Variants in MAF observed in about 807,000 individuals in gnomAD.
MAF encodes the protein MAF bZIP transcription factor.
A neutral mutation model predicts 22.0 loss-of-function variants in MAF; 10 were observed. That is an observed-to-expected ratio of 0.45 (90% CI 0.28 to 0.77). The LOEUF (loss-of-function observed/expected upper bound fraction) is 0.77. Among genes scored for constraint, MAF ranks in the 30% least tolerant of loss-of-function variants. The probability of loss-of-function intolerance (pLI) is 0.12; values close to 1 mark genes in which losing one functional copy is unlikely to be tolerated. For missense variants in MAF, 544 were observed against 548.4 expected, an observed-to-expected ratio of 0.99 and a Z score of 0.08; for synonymous variants, 337 against 255.8, an observed-to-expected ratio of 1.32 and a Z score of -3.03.
chr16:79,543,252 A>G, the MAF span, among the ~76,000 whole-genome samples: 1 of 152,230 alleles, frequency 6.6e-6, no homozygotes, highest in Non-Finnish European at 1.5e-5. Flanking sequence ...ATGATTCCCC[A>G]GTATCTTGGA....
At chr16:79,585,113 T>C (rs1399642670), downstream of MAF, among the ~76,000 whole-genome samples, 1 of 152,200 alleles carries the variant, frequency 6.6e-6, no homozygotes, top group Non-Finnish European at 1.5e-5. Context: ...TAAGAATACA[T>C]AAAACTATCA....
At chr16:79,303,250 T>C in the MAF span, among the ~76,000 whole-genome samples, 2 of 152,190 alleles carry the variant, frequency 1.3e-5, no homozygotes, top group African/African-American at 4.8e-5. Context: ...CATTGTACTG[T>C]ATTAAAGGGA....
the MAF span, among the ~76,000 whole-genome samples, chr16:79,308,546 G>T: frequency 1.5e-3 from 221 of 152,256 alleles, no homozygotes; most frequent in African/African-American, 5.1e-3. Flanking sequence ...GCTAGCAAAA[G>T]CCTGGGATCA....
chr16:79,211,524 GC>G, the MAF span: 7 of 1,581,588 alleles, frequency 4.4e-6, no homozygotes, highest in East Asian at 9.1e-5. Context: ...GGGGAGGCCT[GC>G]TAATGCCCAG....
chr16:79,357,294 CAACAAT>C, the MAF span, among the ~76,000 whole-genome samples: 1 of 138,370 alleles, frequency 7.2e-6, no homozygotes, highest in Admixed American at 7.1e-5. Context: ...ACAACAACAA[CAACAAT>C]TAGCTGGCCT....
At chr16:79,320,586 G>A in the MAF span, among the ~76,000 whole-genome samples, 1 of 152,198 alleles carries the variant, frequency 6.6e-6, no homozygotes, top group Non-Finnish European at 1.5e-5. Context: ...TCGAGAAGGA[G>A]CCAGTCACCC....
At chr16:79,571,519 A>G in the MAF span, among the ~76,000 whole-genome samples, 4 of 140,922 alleles carry the variant, frequency 2.8e-5, no homozygotes, top group Non-Finnish European at 6.0e-5. Context: ...AGAAAAAAAC[A>G]TCTCAGCGGA....
chr16:79,473,277 T>G, the MAF span, among the ~76,000 whole-genome samples: 2 of 152,132 alleles, frequency 1.3e-5, no homozygotes, highest in Non-Finnish European at 1.5e-5. Context: ...AAGGAATGAA[T>G]GGAGGAACTC....
the MAF span, among the ~76,000 whole-genome samples, chr16:79,208,556 T>C: frequency 2.0e-5 from 3 of 152,228 alleles, no homozygotes; most frequent in South Asian, 2.1e-4. Flanking sequence ...CTTTCATCTT[T>C]TCTGCATTAT....
chr16:79,428,583 T>A, the MAF span, among the ~76,000 whole-genome samples: 2 of 152,234 alleles, frequency 1.3e-5, no homozygotes, highest in South Asian at 4.2e-4. Context: ...CTCACACCTG[T>A]AATCCCAGCA....
the MAF span, among the ~76,000 whole-genome samples, chr16:79,512,390 C>G: frequency 6.6e-6 from 1 of 152,302 alleles, no homozygotes; most frequent in East Asian, 1.9e-4. Flanking sequence ...CCCATCTGCA[C>G]ATGAGCTTTG....
the MAF span, among the ~76,000 whole-genome samples, chr16:79,477,658 G>A: frequency 1.1e-4 from 17 of 152,116 alleles, no homozygotes; most frequent in East Asian, 1.5e-3. Context: ...CCATGTATTC[G>A]TATCTTATTT....
At chr16:79,560,887 A>T in the MAF span, among the ~76,000 whole-genome samples, 1 of 152,210 alleles carries the variant, frequency 6.6e-6, no homozygotes, top group Admixed American at 6.5e-5. Context: ...ACAGAGCAGG[A>T]CTACCTAACT....
the MAF span, among the ~76,000 whole-genome samples, chr16:79,514,678 A>G: frequency 7.2e-5 from 11 of 152,160 alleles, 1 homozygote; most frequent in African/African-American, 2.7e-4. Flanking sequence ...CTACCTCTAC[A>G]GACCCAATCT....
chr16:79,226,978 C>G, the MAF span, among the ~76,000 whole-genome samples: 1 of 151,968 alleles, frequency 6.6e-6, no homozygotes, highest in Admixed American at 6.6e-5. Context: ...GGATGGGGAA[C>G]CTTAGGGCTA....
chr16:79,212,267 C>A, the MAF span: 2 of 1,263,302 alleles, frequency 1.6e-6, no homozygotes, highest in African/African-American at 1.5e-5. Flanking sequence ...TTGTTTCATT[C>A]ATCCTGACCA....
At chr16:79,344,509 G>A in the MAF span, among the ~76,000 whole-genome samples, 1 of 152,156 alleles carries the variant, frequency 6.6e-6, no homozygotes, top group East Asian at 1.9e-4. Context: ...TACAATCCAG[G>A]ACATAGGTTT....
chr16:79,303,431 G>A, the MAF span, among the ~76,000 whole-genome samples: 3 of 152,204 alleles, frequency 2.0e-5, no homozygotes, highest in East Asian at 1.9e-4. Context: ...TGGGAAGCAC[G>A]GGGCTCTCAA....
At chr16:79,535,307 C>T in the MAF span, among the ~76,000 whole-genome samples, 1 of 151,722 alleles carries the variant, frequency 6.6e-6, no homozygotes, top group Non-Finnish European at 1.5e-5. Context: ...ATCATCTTAA[C>T]ATGTAGCTTC....
Sources: allele counts gnomAD v4.1 joint callset (sites outside exome capture counted in the v4.1 genomes callset), GRCh38; gene constraint gnomAD v4.1.1; transcripts MANE v1.5; gene names NCBI Gene and HGNC (gene_info 2026-07-23, HGNC 2026-07-21).